The following NACC2 variants were observed in gnomAD, a reference collection of about 807,000 sequenced individuals.
The protein encoded by NACC2 is nucleus accumbens-associated protein 2.
Under a neutral mutation model 25.1 loss-of-function variants are expected in NACC2, and 8 were observed. The ratio of observed to expected loss-of-function variants is 0.32; its 90% CI spans 0.19 to 0.57. The LOEUF (loss-of-function observed/expected upper bound fraction) is 0.57. Ranked by LOEUF, NACC2 falls within the 20% of genes least tolerant of loss-of-function variation. NACC2 has a pLI of 0.89. For synonymous variants in NACC2, 435 were observed against 294.7 expected (o/e 1.48, Z -4.88); for missense variants, 644 against 650.2 (o/e 0.99, Z 0.10).
Position 136,055,253 on chromosome 9 carries a change from A to G in NACC2, c.-59-4673T>C, listed in dbSNP as rs981304979. Among the ~76,000 whole-genome samples the G allele has an allele frequency of 2.0e-5, 3 of 152,138 alleles. No individual in the cohort carries two copies. Among genetic ancestry groups the G allele is most frequent in the Non-Finnish European group, 2.9e-5 (2 of 68,010 alleles). On this transcript the variant is annotated intron_variant, in intron 1 of 5. Transcript: ENST00000277554. This position sits in a 1 kb window ranked among gnomAD's most constrained non-coding sequence, Gnocchi z 4.9. ...CAGACGCGCACACAGGGGTTGGGGC[A>G]GCGTCTCCAGAACGACCCCCCTGCC...
intron 2 of NACC2, among the ~76,000 whole-genome samples, chr9:136,021,488 G>T (rs1243403964): frequency 6.6e-6 from 1 of 152,244 alleles, no homozygotes; most frequent in Non-Finnish European, 1.5e-5. Context: ...GGGCAGCTGG[G>T]ACGTCCTGAC....
rs1478733103 is a variant in NACC2 at position 136,018,329 on chromosome 9, A to G, written c.887-1900T>C. Among the ~76,000 whole-genome samples the G allele has an allele frequency of 6.6e-6, 1 of 152,024 alleles. No individual in the cohort carries two copies. Among genetic ancestry groups the G allele is most frequent in the Non-Finnish European group, 1.5e-5 (1 of 67,958 alleles). ...GAGGGCAGGAGGCAGGGAGGGTCCC[A>G]GAGTCACCTTTGCACCCAGCGCCTG... On this transcript the variant is annotated intron_variant, in intron 2 of 5. Transcript: ENST00000277554. The surrounding 1 kb of genome is among the most constrained non-coding windows in gnomAD (Gnocchi z 4.4).
rs942432045 is a variant in NACC2, at chr9:136,050,061, G to A, written c.461C>T (p.Ala154Val). 1.5e-4 allele frequency: 108 copies of A among 721,886 alleles called. No homozygotes were observed. The highest frequency in any genetic ancestry group is 2.6e-4 in the Non-Finnish European group (104 of 394,566). The allele number at this position is 721,886 out of a possible 1,614,324, so 44.7% of individuals were successfully genotyped here. The stretch of plus-strand genomic sequence containing the variant: ...GGACACGACGTAGGGGGCCGCGGCG[G>A]CGGCGGCCGGCTGCAGCTGGTTGCA... ...SPCNQLQPAA[A>V]AAAPYVVSPS... The change falls in exon 2 of 6, where the codon GCC (alanine) becomes GTC (valine). Residue 154 changes from alanine (A) to valine (V), a missense_variant. By Grantham distance (64) the Ala-to-Val change is moderately conservative (BLOSUM62 0). Coordinates refer to ENST00000277554, the MANE Select transcript of NACC2 (RefSeq NM_144653.5).
chr9:136,015,554 C>T (rs906050064), intron 3 of NACC2, among the ~76,000 whole-genome samples: 3 of 152,298 alleles, frequency 2.0e-5, no homozygotes, highest in Admixed American at 6.5e-5. Context: ...GACCCCGAGA[C>T]GCTGCCCAAG....
chr9:136,015,300 C>G (rs1219438466), intron 3 of NACC2, among the ~76,000 whole-genome samples: 1 of 152,246 alleles, frequency 6.6e-6, no homozygotes, highest in African/African-American at 2.4e-5. Context: ...GCCCACCCAG[C>G]CGCCCCGGCA....
rs576342600 is a variant in NACC2 at position 136,074,950 on chromosome 9, G to A, written c.-60+20239C>T. Reference sequence around the variant, plus strand: ...TCGCACGGCCTCCTTCTGGGAGCCCGGGAGCTCTGTCCCCCACTCACTGTC... The same window carrying A: ...TCGCACGGCCTCCTTCTGGGAGCCCAGGAGCTCTGTCCCCCACTCACTGTC... On this transcript the variant is annotated intron_variant, in intron 1 of 5. Transcript: ENST00000277554. Among the ~76,000 whole-genome samples, 14 of 152,140 alleles carry A rather than the reference G, an allele frequency of 9.2e-5. No individual in the cohort carries two copies. In the South Asian group the frequency reaches 1.7e-3, roughly 18 times the overall value.
chr9:136,015,496 C>T (rs1840186290), intron 3 of NACC2, among the ~76,000 whole-genome samples: 2 of 152,268 alleles, frequency 1.3e-5, no homozygotes, highest in African/African-American at 4.8e-5. Context: ...CCCAGGCAAC[C>T]CTCAGGCAGT....
intron 1 of NACC2, among the ~76,000 whole-genome samples, chr9:136,079,475 C>T (rs1264757585): frequency 6.6e-6 from 1 of 152,212 alleles, no homozygotes; most frequent in African/African-American, 2.4e-5. Context: ...CCAGGCTGTA[C>T]AGGCTGGACG....
chr9:136,012,925 A>C (rs571630005), intron 5 of NACC2, among the ~76,000 whole-genome samples: 1 of 152,350 alleles, frequency 6.6e-6, no homozygotes, highest in East Asian at 1.9e-4. Flanking sequence ...GGTTTTGTTC[A>C]AAAAGGAAAA....
In NACC2 at chr9:136,020,601, T is replaced by A. The variant is rs984934684; in HGVS notation, c.887-4172A>T. ...TAAAAGTGTATACCATTTGTTAAAA[T>A]GCACCACAAGAAAATGAGCCCCTAG... On this transcript the variant is annotated intron_variant, in intron 2 of 5. Transcript: ENST00000277554. This position sits in a 1 kb window ranked among gnomAD's most constrained non-coding sequence, Gnocchi z 4.7. 1.3e-5 allele frequency among the ~76,000 whole-genome samples: 2 copies of A among 152,182 alleles called. No individual in the cohort carries two copies. The highest frequency in any genetic ancestry group is 4.8e-5 in the African/African-American group (2 of 41,444).
At chr9:136,077,841 G>A (rs930821898) in intron 1 of NACC2, among the ~76,000 whole-genome samples, 4 of 152,242 alleles carry the variant, frequency 2.6e-5, no homozygotes, top group Non-Finnish European at 5.9e-5. Flanking sequence ...AGGAATCAGT[G>A]ATGAATACTG....
chr9:136,012,047 G>A (rs1445894063), intron 5 of NACC2, 23 bp from the exon 6 acceptor site: 7 of 1,500,280 alleles, frequency 4.7e-6, no homozygotes, highest in Non-Finnish European at 6.2e-6. Context: ...GGCGGCGTGA[G>A]CTCAGCCACC....
chr9:136,023,196 C>T (rs377621182), intron 2 of NACC2, among the ~76,000 whole-genome samples: 1 of 147,806 alleles, frequency 6.8e-6, no homozygotes, highest in Non-Finnish European at 1.5e-5. Flanking sequence ...GAAAGGGGCT[C>T]GCTGGTCTCT....
intron 2 of NACC2, among the ~76,000 whole-genome samples, chr9:136,043,688 G>A (rs10481726): frequency 0.15 from 22,283 of 152,244 alleles, 2,134 homozygotes; most frequent in East Asian, 0.35. Flanking sequence ...GGCCAGGATG[G>A]GGTAGACGAC....
At chr9:136,085,367 A>T (rs1345696176) in intron 1 of NACC2, among the ~76,000 whole-genome samples, 1 of 151,614 alleles carries the variant, frequency 6.6e-6, no homozygotes, top group East Asian at 1.9e-4. Flanking sequence ...AATTTTTTTT[A>T]AATCAGCCAT....
At position 136,019,883 on chromosome 9, in the gene NACC2, C is replaced by T. The variant is rs937727623; in HGVS notation, c.887-3454G>A. ...GGGCGGCTGAGCCTGGAGGACACCA[C>T]ACTCAGGAAGCTGCCAGACACAGAA... On this transcript the variant is annotated intron_variant, in intron 2 of 5. Transcript: ENST00000277554. The surrounding 1 kb of genome is among the most constrained non-coding windows in gnomAD (Gnocchi z 5.2). 2.6e-5 allele frequency among the ~76,000 whole-genome samples: 4 copies of T among 152,094 alleles called. No homozygotes were observed. Among genetic ancestry groups the T allele is most frequent in the African/African-American group, 9.7e-5 (4 of 41,426 alleles).
intron 1 of NACC2, among the ~76,000 whole-genome samples, chr9:136,057,086 C>T (rs141146386): frequency 4.6e-5 from 7 of 152,308 alleles, no homozygotes; most frequent in Non-Finnish European, 8.8e-5. Flanking sequence ...GCTCCATCCT[C>T]GGCAGCAGCA....
intron 1 of NACC2, among the ~76,000 whole-genome samples, chr9:136,067,414 ACT>A (rs1192586646): frequency 3.3e-5 from 5 of 152,146 alleles, no homozygotes; most frequent in Admixed American, 1.3e-4. Flanking sequence ...TGGTTGCATA[ACT>A]CTGAATACAG....
intron 2 of NACC2, among the ~76,000 whole-genome samples, chr9:136,048,585 C>G (rs936376073): frequency 2.6e-5 from 4 of 152,258 alleles, no homozygotes; most frequent in Non-Finnish European, 5.9e-5. Flanking sequence ...GCGGAGTTCT[C>G]AGGAAGACAC....
Sources: allele counts gnomAD v4.1 joint callset (sites outside exome capture counted in the v4.1 genomes callset), GRCh38; gene constraint gnomAD v4.1.1; non-coding constraint Gnocchi (gnomAD v3.1); transcripts MANE v1.5; gene names NCBI Gene and HGNC (gene_info 2026-07-23, HGNC 2026-07-21).